RHBDF2: variants seen among roughly 807,000 people sequenced by gnomAD.
RHBDF2 encodes rhomboid 5 homolog 2.
A neutral mutation model predicts 95.2 loss-of-function variants in RHBDF2; 38 were observed. The observed-to-expected ratio is 0.40, with a 90% confidence interval of 0.31 to 0.52. The LOEUF is 0.52. Ranked by LOEUF, RHBDF2 falls within the 20% of genes least tolerant of loss-of-function variation. RHBDF2 has a pLI of 0.56. For synonymous variants in RHBDF2, 442 were observed against 462.0 expected, an observed-to-expected ratio of 0.96 and a Z score of 0.55; for missense variants, 863 against 1,137.7, an observed-to-expected ratio of 0.76 and a Z score of 3.47.
chr17:76,481,798 C>CA (rs1015627485), intron 2 of RHBDF2: 28 of 259,578 alleles, frequency 1.1e-4, no homozygotes, highest in African/African-American at 5.9e-4. Flanking sequence ...ACTAAAAATA[C>CA]AAAAAATTAG....
intron 4 of RHBDF2, 98 bp from the exon 5 acceptor site, chr17:76,479,375 T>C (rs540975484): frequency 6.7e-7 from 1 of 1,501,820 alleles, no homozygotes; most frequent in African/African-American, 1.4e-5. Context: ...CCCGCGTGCC[T>C]ACAGGGAGGT....
chr17:76,471,544 C>G lies in RHBDF2; in HGVS notation c.*89G>C. On this transcript the variant is annotated 3_prime_UTR_variant, in exon 19 of 19. Coordinates refer to ENST00000675367, the MANE Select transcript of RHBDF2 (RefSeq NM_001005498.4). ...GGCCCTGTCTTGGGTCTCTGGCTCT[C>G]TGGCACACAGAGAGCGCTCTGCAGA... 7.2e-7 allele frequency: 1 copy of G among 1,393,608 alleles called. No individual in the cohort carries two copies. The highest frequency in any genetic ancestry group is 9.6e-7 in the Non-Finnish European group (1 of 1,046,632). The allele number at this position is 1,393,608 out of a possible 1,614,324, so 86.3% of individuals were successfully genotyped here. A position where few individuals can be genotyped will look rare whatever the true frequency, so the allele number is the denominator to read the frequency against.
At chr17:76,498,058 G>A (rs1463298891) in intron 1 of RHBDF2, among the ~76,000 whole-genome samples, 1 of 152,172 alleles carries the variant, frequency 6.6e-6, no homozygotes, top group East Asian at 1.9e-4. Flanking sequence ...CCGTGGACAC[G>A]GTGGCGCTTT....
rs769217227 is a variant in RHBDF2, at chr17:76,476,944, T to A, written c.1001A>T (p.Asp334Val). Reference sequence around the variant, plus strand: ...GAGGCCGTAGTGCCGCTTCTTCCGATCAAAGGCAAAGTGCTTCACCTTGGA... The same window carrying A: ...GAGGCCGTAGTGCCGCTTCTTCCGAACAAAGGCAAAGTGCTTCACCTTGGA... ...IASKVKHFAFDRKKRHYGLGV... is the reference protein window; with the variant it reads ...IASKVKHFAFVRKKRHYGLGV... Residue 334 changes from aspartate to valine, a missense_variant, in exon 9 of 19, where the codon GAT (aspartate) becomes GTT (valine). Physicochemically the swap from Asp to Val is radical, Grantham distance 152. Coordinates refer to ENST00000675367, the MANE Select transcript of RHBDF2 (RefSeq NM_001005498.4). The A allele has an allele frequency of 6.2e-7, 1 of 1,613,952 alleles. No homozygotes were observed. Among genetic ancestry groups the A allele is most frequent in the Non-Finnish European group, 8.5e-7 (1 of 1,180,036 alleles).
At position 76,480,022 on chromosome 17, in the gene RHBDF2, TG is replaced by T. The variant is rs2073903980; in HGVS notation, c.151-169del. The T allele has an allele frequency of 7.3e-6, 3 of 410,146 alleles. No individual in the cohort carries two copies. In the Admixed American group the frequency reaches 1.3e-4, roughly 18 times the overall value. 25.4% of individuals were successfully genotyped at this position (410,146 alleles called of 1,614,324 possible). The stretch of plus-strand genomic sequence containing the variant: ...TATATATATAATGTGTGTGTGTGTG[TG>T]TGTGTGTGTGTGTGTGTGTTTGTAT... On this transcript the variant is annotated intron_variant, in intron 3 of 18. Coordinates refer to ENST00000675367, the MANE Select transcript of RHBDF2 (RefSeq NM_001005498.4).
chr17:76,475,230 G>A (rs1407251190), intron 9 of RHBDF2, 89 bp from the exon 10 acceptor site: 3 of 851,976 alleles, frequency 3.5e-6, no homozygotes, highest in African/African-American at 3.4e-5. Context: ...TGGTCACATG[G>A]CTCGCCTGGG....
At chr17:76,480,039 G>A (rs973132725) in intron 3 of RHBDF2, 185 bp from the exon 4 acceptor site, 6 of 168,464 alleles carry the variant, frequency 3.6e-5, no homozygotes, top group African/African-American at 1.1e-4. Context: ...GTGTGTGTGT[G>A]TGTTTGTATA....
rs768490016 is a variant in RHBDF2 at position 76,479,121 on chromosome 17, GA to G, written c.428del (p.Phe143SerfsTer41). On this transcript the variant is annotated frameshift_variant, in exon 5 of 19. Transcript: ENST00000675367. LOFTEE classifies it high-confidence loss of function. ...AGGGCTTTGGGGACTCAGTGCCCTG[GA>G]AGGACGGTGCCTCCTGGCTGGGGAG... ...LELPSQEAPSFQGTESPKPCK... is the reference protein window; with the variant it reads ...LELPSQEAPSXQGTESPKPCK... The G allele has an allele frequency of 5.6e-6, 9 of 1,613,568 alleles. No homozygotes were observed. In the Admixed American group the frequency reaches 1.3e-4, roughly 24 times the overall value.
intron 4 of RHBDF2, 79 bp downstream of exon 4, chr17:76,479,654 A>C (rs1281163379): frequency 9.0e-7 from 1 of 1,111,734 alleles, no homozygotes; most frequent in East Asian, 2.4e-5. Flanking sequence ...CGCAGGGACC[A>C]GGCCCAATCA....
intron 2 of RHBDF2, among the ~76,000 whole-genome samples, chr17:76,487,178 C>G (rs2074159831): frequency 6.6e-6 from 1 of 151,774 alleles, no homozygotes. Flanking sequence ...AGGCTGGTCT[C>G]AAACTCCTGG....
intron 8 of RHBDF2, 51 bp from the exon 9 acceptor site, chr17:76,477,075 G>A: frequency 6.2e-7 from 1 of 1,611,686 alleles, no homozygotes; most frequent in South Asian, 1.1e-5. Context: ...AATACTCCCA[G>A]ACCCCACCAG....
chr17:76,497,641 C>T (rs532412689), intron 1 of RHBDF2, among the ~76,000 whole-genome samples: 16 of 152,330 alleles, frequency 1.1e-4, no homozygotes, highest in East Asian at 3.9e-4. Flanking sequence ...CTGCCATGGC[C>T]GGGCACTGCA....
intron 13 of RHBDF2, 61 bp from the exon 14 acceptor site, chr17:76,473,963 G>A (rs369754854): frequency 3.9e-5 from 62 of 1,594,658 alleles, no homozygotes; most frequent in Non-Finnish European, 5.0e-5. Context: ...ACCTACCCAC[G>A]TCCCTGTGGG....
At chr17:76,496,394 C>A (rs1452076077) in intron 1 of RHBDF2, among the ~76,000 whole-genome samples, 2 of 152,194 alleles carry the variant, frequency 1.3e-5, no homozygotes, top group African/African-American at 4.8e-5. Context: ...GGGGCTACAA[C>A]CCCAGCCAGG....
Position 76,471,777 on chromosome 17 carries a change from C to G in RHBDF2, c.2340G>C (p.Leu780=). Residue 780 remains leucine, a synonymous_variant, in exon 19 of 19, where the codon CTG becomes CTC. Coordinates refer to ENST00000675367, the MANE Select transcript of RHBDF2 (RefSeq NM_001005498.4). ...CGGCGAAGAGGCCGGCAAAGGCCAGCAGTGACACCAGGATGAGTGCCCGCT... is the reference window on the plus strand; with the variant it reads ...CGGCGAAGAGGCCGGCAAAGGCCAGGAGTGACACCAGGATGAGTGCCCGCT... ...YRKRALILVS[L]LAFAGLFAAL... is the part of the protein sequence containing the mutation. 1 of 1,608,704 alleles carries G rather than the reference C, an allele frequency of 6.2e-7. No homozygotes were observed. Among genetic ancestry groups the G allele is most frequent in the Non-Finnish European group, 8.5e-7 (1 of 1,177,566 alleles).
intron 7 of RHBDF2, 122 bp from the exon 8 acceptor site, chr17:76,477,420 C>A: frequency 7.8e-7 from 1 of 1,289,820 alleles, no homozygotes; most frequent in African/African-American, 1.5e-5. Flanking sequence ...ATTGGGAAGC[C>A]ACATGCCCGT....
At chr17:76,484,886 T>C (rs1250398538) in intron 2 of RHBDF2, among the ~76,000 whole-genome samples, 1 of 152,134 alleles carries the variant, frequency 6.6e-6, no homozygotes, top group Non-Finnish European at 1.5e-5. Flanking sequence ...TGCTGTCGGG[T>C]TAGTCACCTG....
chr17:76,495,652 CT>C (rs1045641622), intron 1 of RHBDF2, among the ~76,000 whole-genome samples: 1 of 152,170 alleles, frequency 6.6e-6, no homozygotes, highest in African/African-American at 2.4e-5. Flanking sequence ...TAGGCCTGGA[CT>C]GGCTGGGTGT....
intron 12 of RHBDF2, 53 bp from the exon 13 acceptor site, chr17:76,474,195 TG>T: frequency 7.1e-7 from 1 of 1,400,986 alleles, no homozygotes; most frequent in Non-Finnish European, 9.8e-7. Context: ...TCACCCCCAC[TG>T]GAGTGGGCAA....
Sources: gnomAD v4.1 joint callset for allele counts (sites outside exome capture counted in the v4.1 genomes callset) on GRCh38, gnomAD v4.1.1 for gene constraint, MANE v1.5 for transcripts, NCBI Gene and HGNC (gene_info 2026-07-23, HGNC 2026-07-21) for gene names.